The following MRTFB variants were observed in gnomAD, a reference collection of about 807,000 sequenced individuals.
MRTFB encodes the protein myocardin-related transcription factor B.
A neutral mutation model predicts 104.2 loss-of-function variants in MRTFB; 29 were observed. The ratio of observed to expected loss-of-function variants is 0.28; its 90% confidence interval spans 0.21 to 0.38. The LOEUF (loss-of-function observed/expected upper bound fraction) is 0.38, where lower values mean the gene tolerates loss of function less well. MRTFB is among the 10% of genes least tolerant of loss of function. MRTFB has a pLI of 1.00. For synonymous variants in MRTFB, 535 were observed against 519.5 expected (o/e 1.03, Z -0.41); for missense variants, 1,270 against 1,341.6 (o/e 0.95, Z 0.83).
chr16:14,021,906 A>C, the MRTFB span, among the ~76,000 whole-genome samples: 1 of 152,016 alleles, frequency 6.6e-6, no homozygotes, highest in Non-Finnish European at 1.5e-5. Context: ...TTTTTCGTAT[A>C]ATGACTTATT....
At chr16:14,231,026 C>T (rs2042235728) in intron 8 of MRTFB, among the ~76,000 whole-genome samples, 1 of 151,162 alleles carries the variant, frequency 6.6e-6, no homozygotes, top group South Asian at 2.1e-4. Context: ...AGTAAACTAT[C>T]ACAAGAACAA....
chr16:14,220,288 TAAC>T (rs1317153174), intron 8 of MRTFB, among the ~76,000 whole-genome samples: 1 of 152,192 alleles, frequency 6.6e-6, no homozygotes, highest in African/African-American at 2.4e-5. Context: ...TAGATACCAT[TAAC>T]AAACAGTTAC....
At chr16:14,171,432 T>A (rs2039419372) in intron 3 of MRTFB, among the ~76,000 whole-genome samples, 1 of 151,788 alleles carries the variant, frequency 6.6e-6, no homozygotes, top group Admixed American at 6.6e-5. Flanking sequence ...GAGACAGAGG[T>A]TGCAGTGAGT....
At chr16:14,189,787 C>T (rs965425115) in intron 3 of MRTFB, among the ~76,000 whole-genome samples, 3 of 152,120 alleles carry the variant, frequency 2.0e-5, no homozygotes, top group African/African-American at 4.8e-5. Flanking sequence ...ATGTCTGATA[C>T]GTGTCCACTC....
chr16:14,033,081 A>C, the MRTFB span, among the ~76,000 whole-genome samples: 16 of 152,206 alleles, frequency 1.1e-4, no homozygotes, highest in African/African-American at 2.9e-4. Flanking sequence ...ATAGCTGGGA[A>C]GCTCTAGATC....
At chr16:14,158,272 A>C (rs1350477787) in intron 3 of MRTFB, among the ~76,000 whole-genome samples, 2 of 152,210 alleles carry the variant, frequency 1.3e-5, no homozygotes, top group African/African-American at 4.8e-5. Context: ...ATATTTCCAC[A>C]TTCTTCCTTC....
At chr16:14,223,170 C>T (rs548511451) in intron 8 of MRTFB, among the ~76,000 whole-genome samples, 8 of 152,030 alleles carry the variant, frequency 5.3e-5, no homozygotes, top group South Asian at 2.1e-4. Flanking sequence ...AATAGCTGGG[C>T]GTGGTAGTGC....
the MRTFB span, among the ~76,000 whole-genome samples, chr16:14,046,975 A>G: frequency 6.6e-6 from 1 of 152,200 alleles, no homozygotes; most frequent in Non-Finnish European, 1.5e-5. Context: ...GGAACTAGAG[A>G]ACAGACAGGT....
intron 2 of MRTFB, among the ~76,000 whole-genome samples, chr16:14,099,562 AC>A (rs2035583197): frequency 6.6e-6 from 1 of 151,256 alleles, no homozygotes; most frequent in African/African-American, 2.4e-5. Flanking sequence ...ACAGGGTTTC[AC>A]CCTGTTGGCC....
the MRTFB span, among the ~76,000 whole-genome samples, chr16:14,043,859 T>A: frequency 6.6e-6 from 1 of 152,186 alleles, no homozygotes; most frequent in Non-Finnish European, 1.5e-5. Context: ...TGAGACGTAA[T>A]CTTGCCTCTA....
chr16:13,996,675 T>C, the MRTFB span, among the ~76,000 whole-genome samples: 1 of 151,936 alleles, frequency 6.6e-6, no homozygotes, highest in Non-Finnish European at 1.5e-5. Context: ...GCATGACAAA[T>C]GATGGAGAGC....
chr16:14,107,716 G>A (rs1258863840), intron 2 of MRTFB, among the ~76,000 whole-genome samples: 2 of 152,182 alleles, frequency 1.3e-5, no homozygotes, highest in Non-Finnish European at 2.9e-5. Flanking sequence ...ACCTCCGTGA[G>A]CTTTAGGCTT....
At chr16:14,215,130 A>G (rs76810392) in intron 6 of MRTFB, among the ~76,000 whole-genome samples, 4,856 of 152,298 alleles carry the variant, frequency 0.032, 278 homozygotes, top group African/African-American at 0.11. Context: ...TTCTAACTGT[A>G]ACAAGCTTTA....
At chr16:14,066,497 A>G (rs992064477), upstream of MRTFB, among the ~76,000 whole-genome samples, 2 of 151,026 alleles carry the variant, frequency 1.3e-5, no homozygotes, top group African/African-American at 4.9e-5. Flanking sequence ...CTGGTCTTGA[A>G]CTCCTGACCT....
At chr16:14,223,131 AC>A (rs571333118) in intron 8 of MRTFB, among the ~76,000 whole-genome samples, 222 of 152,068 alleles carry the variant, frequency 1.5e-3, no homozygotes, top group Non-Finnish European at 2.6e-3. Flanking sequence ...TCATAGTGAG[AC>A]CCCATCTCTA....
intron 3 of MRTFB, among the ~76,000 whole-genome samples, chr16:14,182,780 T>C (rs1032897187): frequency 6.6e-6 from 1 of 152,102 alleles, no homozygotes; most frequent in Non-Finnish European, 1.5e-5. Flanking sequence ...ATCATGACAA[T>C]AAGAAACTGG....
the MRTFB span, among the ~76,000 whole-genome samples, chr16:14,044,515 T>A: frequency 6.6e-6 from 1 of 152,226 alleles, no homozygotes; most frequent in Non-Finnish European, 1.5e-5. Flanking sequence ...ACTTCCAGTT[T>A]GCTTGTCTGC....
intron 3 of MRTFB, among the ~76,000 whole-genome samples, chr16:14,160,136 T>C (rs1378416252): frequency 6.6e-6 from 1 of 152,180 alleles, no homozygotes; most frequent in Non-Finnish European, 1.5e-5. Context: ...AAATGGCCTT[T>C]ATTGCTTTTT....
At chr16:14,079,785 A>G (rs142721056) in intron 2 of MRTFB, among the ~76,000 whole-genome samples, 242 of 152,226 alleles carry the variant, frequency 1.6e-3, no homozygotes, top group African/African-American at 5.6e-3. Context: ...AAAAATTTCT[A>G]TCCGTATAAA....
Sources: allele counts gnomAD v4.1 joint callset (sites outside exome capture counted in the v4.1 genomes callset), GRCh38; gene constraint gnomAD v4.1.1; transcripts MANE v1.5; gene names NCBI Gene and HGNC (gene_info 2026-07-23, HGNC 2026-07-21).